Variants in NWD2 observed in about 807,000 individuals in gnomAD.
NWD2 encodes the protein NACHT and WD repeat domain-containing protein 2.
Under a neutral mutation model 132.7 loss-of-function variants are expected in NWD2, and 37 were observed. The ratio of observed to expected loss-of-function variants is 0.28; its 90% CI spans 0.21 to 0.37. NWD2 has a LOEUF of 0.37. Among genes scored for constraint, NWD2 ranks in the 10% least tolerant of loss-of-function variants. The pLI is 1.00. For missense variants in NWD2, 1,592 were observed against 2,122.4 expected, an observed-to-expected ratio of 0.75 and a Z score of 4.91; for synonymous variants, 705 against 803.0, an observed-to-expected ratio of 0.88 and a Z score of 2.06.
At chr4:37,305,793 G>T (rs999803237) in intron 1 of NWD2, among the ~76,000 whole-genome samples, 6 of 152,002 alleles carry the variant, frequency 3.9e-5, no homozygotes, top group African/African-American at 1.4e-4. Flanking sequence ...TTCTTTTTTG[G>T]CTGTCTTTGT....
intron 3 of NWD2, among the ~76,000 whole-genome samples, chr4:37,423,172 A>G (rs1485490641): frequency 6.6e-6 from 1 of 152,222 alleles, no homozygotes; most frequent in Admixed American, 6.5e-5. Context: ...TAAGAAATTA[A>G]CAGTTTTCCA....
intron 3 of NWD2, among the ~76,000 whole-genome samples, chr4:37,405,459 TAGA>T (rs1226253802): frequency 7.7e-6 from 1 of 130,624 alleles, no homozygotes; most frequent in Non-Finnish European, 1.7e-5. Flanking sequence ...TAGAATAGAA[TAGA>T]ATAGAATAGA....
chr4:37,266,871 G>A (rs1309157097), intron 1 of NWD2, among the ~76,000 whole-genome samples: 1 of 151,946 alleles, frequency 6.6e-6, no homozygotes, highest in Non-Finnish European at 1.5e-5. Context: ...TACAGTAAAA[G>A]CGTTGAATTG....
intron 2 of NWD2, among the ~76,000 whole-genome samples, chr4:37,352,701 G>T (rs563353482): frequency 2.0e-5 from 3 of 152,198 alleles, no homozygotes; most frequent in Admixed American, 1.3e-4. Context: ...CTTTCCATTT[G>T]CTTGGTAAAT....
At chr4:37,246,065 T>C (rs1004280240) in intron 1 of NWD2, among the ~76,000 whole-genome samples, 2 of 152,122 alleles carry the variant, frequency 1.3e-5, no homozygotes, top group Admixed American at 1.3e-4. Context: ...TGTATTTGAC[T>C]GGGGCAGGAT....
chr4:37,305,311 C>T (rs1321015128), intron 1 of NWD2, among the ~76,000 whole-genome samples: 1 of 152,242 alleles, frequency 6.6e-6, no homozygotes, highest in Non-Finnish European at 1.5e-5. Flanking sequence ...CTGAAATTCC[C>T]TGGAGGCATT....
intron 3 of NWD2, among the ~76,000 whole-genome samples, chr4:37,403,141 A>G (rs1401362171): frequency 6.6e-6 from 1 of 152,176 alleles, no homozygotes; most frequent in East Asian, 1.9e-4. Context: ...CTCTTTTCCA[A>G]CAAATATTTA....
chr4:37,306,323 T>C (rs1339492910), intron 1 of NWD2, among the ~76,000 whole-genome samples: 1 of 152,126 alleles, frequency 6.6e-6, no homozygotes, highest in Non-Finnish European at 1.5e-5. Flanking sequence ...CTTTGTTTCA[T>C]TTAGTTCTGA....
chr4:37,383,020 G>T (rs916592652), intron 3 of NWD2, among the ~76,000 whole-genome samples: 1 of 152,108 alleles, frequency 6.6e-6, no homozygotes, highest in African/African-American at 2.4e-5. Context: ...TGAGCTGAAA[G>T]TGCTGTTGTT....
At chr4:37,288,227 C>G (rs1718277489) in intron 1 of NWD2, among the ~76,000 whole-genome samples, 1 of 152,182 alleles carries the variant, frequency 6.6e-6, no homozygotes, top group East Asian at 1.9e-4. Flanking sequence ...CACACATATA[C>G]CTATGTAACA....
intron 3 of NWD2, among the ~76,000 whole-genome samples, chr4:37,360,106 A>G (rs2109301993): frequency 6.6e-6 from 1 of 152,308 alleles, no homozygotes; most frequent in East Asian, 1.9e-4. Context: ...TACTTTAGTG[A>G]TCACATCTAT....
intron 3 of NWD2, among the ~76,000 whole-genome samples, chr4:37,385,650 G>T (rs181510184): frequency 6.8e-6 from 1 of 146,554 alleles, no homozygotes; most frequent in African/African-American, 2.8e-5. Context: ...CACAACAAAA[G>T]TTCCACCTTA....
At chr4:37,423,414 A>G (rs896920220) in intron 3 of NWD2, among the ~76,000 whole-genome samples, 1 of 152,210 alleles carries the variant, frequency 6.6e-6, no homozygotes, top group Non-Finnish European at 1.5e-5. Flanking sequence ...GGCTCGTGCA[A>G]CTATGGAGTC....
Position 37,294,208 on chromosome 4 carries a change from C to T in NWD2, c.152-31728C>T, listed in dbSNP as rs55839067. The stretch of plus-strand genomic sequence containing the variant: ...CTCTAATGTTCCCAGGCCTTCCCTA[C>T]ACCATTGAAACAGTACGTACACATC... On this transcript the variant is annotated intron_variant, in intron 1 of 6. Transcript: ENST00000309447. 5.7e-3 allele frequency among the ~76,000 whole-genome samples: 873 copies of T among 152,294 alleles called. 9 individuals are homozygous for T. Among genetic ancestry groups the T allele is most frequent in the African/African-American group, 0.02 (831 of 41,554 alleles).
At chr4:37,394,101 C>T (rs1720731825) in intron 3 of NWD2, among the ~76,000 whole-genome samples, 1 of 152,200 alleles carries the variant, frequency 6.6e-6, no homozygotes, top group African/African-American at 2.4e-5. Flanking sequence ...CCACACTGAG[C>T]ACTTAAGTAA....
chr4:37,415,379 G>T (rs1457922884), intron 3 of NWD2, among the ~76,000 whole-genome samples: 1 of 152,122 alleles, frequency 6.6e-6, no homozygotes, highest in Admixed American at 6.5e-5. Context: ...GGAGAAGCTG[G>T]TGATGCCAAG....
intron 1 of NWD2, among the ~76,000 whole-genome samples, chr4:37,298,156 T>G (rs1012276375): frequency 6.6e-6 from 1 of 152,056 alleles, no homozygotes; most frequent in African/African-American, 2.4e-5. Context: ...CAGGGACAAT[T>G]TCATGATTGG....
chr4:37,413,475 A>T (rs1247823002), intron 3 of NWD2, among the ~76,000 whole-genome samples: 2 of 152,142 alleles, frequency 1.3e-5, no homozygotes, highest in South Asian at 4.1e-4. Context: ...AAAACAACAG[A>T]TGCTGGAGAG....
intron 2 of NWD2, among the ~76,000 whole-genome samples, chr4:37,329,260 G>A (rs1290024842): frequency 6.6e-6 from 1 of 152,182 alleles, no homozygotes; most frequent in African/African-American, 2.4e-5. Context: ...AAATAAAGGA[G>A]CAAACCAACC....
Sources: gnomAD v4.1 joint callset for allele counts (sites outside exome capture counted in the v4.1 genomes callset) on GRCh38, gnomAD v4.1.1 for gene constraint, MANE v1.5 for transcripts, NCBI Gene and HGNC (gene_info 2026-07-23, HGNC 2026-07-21) for gene names.